PAM: variants seen among roughly 807,000 people sequenced by gnomAD.
PAM encodes the protein peptidyl-glycine alpha-amidating monooxygenase.
In PAM, 72 loss-of-function variants were observed where a neutral mutation model predicts 122.1. The observed-to-expected ratio is 0.59, with a 90% CI of 0.49 to 0.72. The LOEUF (loss-of-function observed/expected upper bound fraction) is 0.72. Among genes scored for constraint, PAM ranks in the 30% least tolerant of loss-of-function variants. The pLI, the probability that PAM is intolerant of heterozygous loss-of-function variation, is 0.00. For synonymous variants in PAM, 389 were observed against 404.4 expected (o/e 0.96, Z 0.46); for missense variants, 1,106 against 1,183.7 (o/e 0.93, Z 0.96).
chr5:102,767,593 T>C (rs1363316732), intron 1 of PAM, among the ~76,000 whole-genome samples: 1 of 152,194 alleles, frequency 6.6e-6, no homozygotes, highest in Non-Finnish European at 1.5e-5. Flanking sequence ...AATTGAATAC[T>C]TGACCTTTAT....
chr5:102,803,062 G>T (rs1452573682), intron 1 of PAM, among the ~76,000 whole-genome samples: 1 of 151,768 alleles, frequency 6.6e-6, no homozygotes, highest in Non-Finnish European at 1.5e-5. Flanking sequence ...GGTTGAAACT[G>T]CAGTGTGCTG....
chr5:102,939,511 C>T (rs2064237711), intron 7 of PAM, among the ~76,000 whole-genome samples: 1 of 152,082 alleles, frequency 6.6e-6, no homozygotes, highest in South Asian at 2.1e-4. Flanking sequence ...TAAAGTCTTG[C>T]AAAATTCCAA....
intron 15 of PAM, among the ~76,000 whole-genome samples, chr5:102,975,577 C>T (rs1767369779): frequency 1.3e-5 from 2 of 152,116 alleles, no homozygotes; most frequent in Non-Finnish European, 2.9e-5. Context: ...CTCAGAATCA[C>T]CTAGGATGCG....
chr5:102,821,353 A>C (rs1771837561), intron 1 of PAM, among the ~76,000 whole-genome samples: 1 of 152,210 alleles, frequency 6.6e-6, no homozygotes, highest in Non-Finnish European at 1.5e-5. Context: ...AACGTTCCCC[A>C]CTTCAGAGGT....
intron 4 of PAM, among the ~76,000 whole-genome samples, chr5:102,905,620 G>A (rs138867534): frequency 6.6e-6 from 1 of 151,594 alleles, no homozygotes; most frequent in African/African-American, 2.4e-5. Flanking sequence ...AAAGACCGAG[G>A]TCTGGGCAGG....
At chr5:102,922,744 T>G (rs1747888497) in intron 5 of PAM, among the ~76,000 whole-genome samples, 1 of 152,264 alleles carries the variant, frequency 6.6e-6, no homozygotes, top group Admixed American at 6.5e-5. Flanking sequence ...TATAGGCATT[T>G]GTAATGTTTA....
intron 7 of PAM, among the ~76,000 whole-genome samples, chr5:102,943,804 G>A (rs1243841177): frequency 6.6e-6 from 1 of 152,156 alleles, no homozygotes; most frequent in African/African-American, 2.4e-5. Flanking sequence ...ATTCGGCATG[G>A]TTATACATCT....
intron 15 of PAM, chr5:102,989,738 G>C (rs1413902257): frequency 6.6e-6 from 1 of 151,866 alleles, no homozygotes; most frequent in Non-Finnish European, 1.5e-5. Context: ...TCAATGAGTG[G>C]TTTATTATGG....
intron 14 of PAM, among the ~76,000 whole-genome samples, chr5:102,967,035 A>G (rs1046389300): frequency 2.6e-5 from 4 of 152,176 alleles, no homozygotes; most frequent in African/African-American, 7.2e-5. Context: ...TTTTTTAAAA[A>G]ACCTTCATAG....
In PAM at chr5:102,781,101, G is replaced by A. The variant is rs113121764; in HGVS notation, c.-374+25753G>A. On this transcript the variant is annotated intron_variant, in intron 1 of 25. Transcript: ENST00000438793. ...TATCAGCTCCAAAAATCTGTCATGA[G>A]AATGATACAGTATTGATTAATATGC... Among the ~76,000 whole-genome samples the A allele has an allele frequency of 7.9e-3, 1,195 of 152,106 alleles. 7 individuals carry two copies. Among genetic ancestry groups the A allele is most frequent in the African/African-American group, 0.028 (1,143 of 41,488 alleles).
intron 16 of PAM, among the ~76,000 whole-genome samples, chr5:102,996,624 C>T (rs971631454): frequency 7.9e-5 from 12 of 152,138 alleles, no homozygotes; most frequent in African/African-American, 2.7e-4. Context: ...CTGTTAGTTC[C>T]GTGAAGCTCC....
At position 103,025,244 on chromosome 5, in the gene PAM, G is replaced by A; in HGVS notation, c.2599G>A (p.Val867Ile). 1.2e-6 allele frequency: 2 copies of A among 1,613,790 alleles called. No individual in the cohort carries two copies. The highest frequency in any genetic ancestry group is 8.5e-7 in the Non-Finnish European group (1 of 1,179,750). ...AGAGCCAGGCTCGGGAGTGCCTGTT[G>A]TTCTCATTACAACCCTTCTGGTTAT... ...IKEPGSGVPV[V>I]LITTLLVIPV... Residue 867 changes from valine to isoleucine, a missense_variant, in exon 24 of 26, where the codon GTT (valine) becomes ATT (isoleucine). Val to Ile is a conservative substitution (Grantham distance 29). Transcript: ENST00000438793.
intron 12 of PAM, among the ~76,000 whole-genome samples, chr5:102,951,934 G>A (rs1302492002): frequency 6.6e-6 from 1 of 151,934 alleles, no homozygotes; most frequent in Admixed American, 6.6e-5. Context: ...GACTGACAAA[G>A]GAGGCATAAC....
chr5:102,780,843 T>TTCTC (rs200642878), intron 1 of PAM, among the ~76,000 whole-genome samples: 5 of 137,560 alleles, frequency 3.6e-5, no homozygotes, highest in Non-Finnish European at 6.4e-5. Context: ...TTCTCTGTCT[T>TTCTC]TCTCTCTCTC....
chr5:102,820,611 G>T (rs1771544682), intron 1 of PAM, among the ~76,000 whole-genome samples: 1 of 152,006 alleles, frequency 6.6e-6, no homozygotes, highest in Non-Finnish European at 1.5e-5. Context: ...TGCAATATAT[G>T]GTACTTACAC....
Position 102,990,275 on chromosome 5 carries a change from T to G in PAM, c.1487T>G (p.Phe496Cys). 1.9e-6 allele frequency: 3 copies of G among 1,542,050 alleles called. No homozygotes were observed. The highest frequency in any genetic ancestry group is 2.6e-6 in the Non-Finnish European group (3 of 1,136,190). ...GTWEPEHTGD[F>C]HMEEALDWPG... ...AATGTGTGGATATATCTTTTAGATT[T>G]CCACATGGAAGAGGCACTGGATTGG... is the stretch of plus-strand genomic sequence containing the variant. The change falls in exon 16 of 26, where the codon TTC (phenylalanine) becomes TGC (cysteine). Residue 496 changes from phenylalanine to cysteine, a missense_variant. Physicochemically the swap from Phe to Cys is radical, Grantham distance 205 (BLOSUM62 -2). Transcript: ENST00000438793.
At chr5:102,965,428 C>T (rs1019173334) in intron 14 of PAM, among the ~76,000 whole-genome samples, 3 of 151,486 alleles carry the variant, frequency 2.0e-5, no homozygotes, top group Non-Finnish European at 4.4e-5. Context: ...ATTTGAGTGT[C>T]TCACCTCTTT....
At chr5:102,951,851 C>A (rs1759005598) in intron 12 of PAM, among the ~76,000 whole-genome samples, 1 of 151,778 alleles carries the variant, frequency 6.6e-6, no homozygotes, top group African/African-American at 2.4e-5. Flanking sequence ...GATAAATTTG[C>A]TAAATTTGGC....
chr5:102,960,846 AAATTT>A (rs1469089807), intron 13 of PAM, among the ~76,000 whole-genome samples: 6 of 151,638 alleles, frequency 4.0e-5, no homozygotes, highest in African/African-American at 7.2e-5. Context: ...AAACAGTGCT[AAATTT>A]AATTTAAGAA....
Sources: allele counts gnomAD v4.1 joint callset (sites outside exome capture counted in the v4.1 genomes callset), GRCh38; gene constraint gnomAD v4.1.1; transcripts MANE v1.5; gene names NCBI Gene and HGNC (gene_info 2026-07-23, HGNC 2026-07-21).